The following NDUFS4 variants were observed in gnomAD, a reference collection of about 807,000 sequenced individuals.
The protein encoded by NDUFS4 is NADH:ubiquinone oxidoreductase subunit S4.
NDUFS4 carries 28 observed loss-of-function variants against 24.3 expected under a neutral mutation model. The ratio of observed to expected loss-of-function variants is 1.15; its 90% CI spans 0.85 to 1.58. The LOEUF (loss-of-function observed/expected upper bound fraction) is 1.58. Among genes scored for constraint, NDUFS4 ranks in the 40% most tolerant of loss-of-function variants. The pLI is 0.00. For missense variants in NDUFS4, 223 were observed against 207.9 expected (o/e 1.07, Z -0.45); for synonymous variants, 93 against 69.7 (o/e 1.34, Z -1.67).
At chr5:53,630,158 T>C (rs991452187) in intron 2 of NDUFS4, among the ~76,000 whole-genome samples, 6 of 152,232 alleles carry the variant, frequency 3.9e-5, no homozygotes, top group African/African-American at 1.4e-4. Flanking sequence ...TGGCTGGGTA[T>C]GAAATTCTGG....
At chr5:53,635,821 T>A (rs1751535746) in intron 2 of NDUFS4, among the ~76,000 whole-genome samples, 3 of 152,194 alleles carry the variant, frequency 2.0e-5, no homozygotes, top group African/African-American at 7.2e-5. Context: ...AAAGGTGTTC[T>A]AATAGATTTT....
Position 53,619,444 on chromosome 5 carries a change from G to A in NDUFS4, c.177+15914G>A, listed in dbSNP as rs1456362993. Among the ~76,000 whole-genome samples, 4 of 125,202 alleles carry A rather than the reference G, an allele frequency of 3.2e-5. No homozygotes were observed. The South Asian group carries it at 7.5e-4, about 23-fold the overall frequency. The allele number at this position is 125,202 out of a possible 152,430, so 82.1% of individuals were successfully genotyped here. ...GGAGGTTGCAGTGAGCCAAGATGGC[G>A]CCACTGCACTCCAGCCTGGGTGACA... On this transcript the variant is annotated intron_variant, in intron 2 of 4. Transcript: ENST00000296684.
At position 53,579,673 on chromosome 5, in the gene NDUFS4, G is replaced by A. The variant is rs59431273; in HGVS notation, c.98+18913G>A. On this transcript the variant is annotated intron_variant, in intron 1 of 4. Transcript: ENST00000296684. ...CGAGGCTTCAGTGAGCTATGATTGC[G>A]CCACTGCACCCCAGCCTGGGTGACA... is the stretch of plus-strand genomic sequence containing the variant. Among the ~76,000 whole-genome samples the A allele has an allele frequency of 7.3e-3, 1,110 of 152,250 alleles. 14 individuals carry two copies. Among genetic ancestry groups the A allele is most frequent in the African/African-American group, 0.025 (1,059 of 41,548 alleles).
chr5:53,618,142 C>T (rs920369276), intron 2 of NDUFS4, among the ~76,000 whole-genome samples: 6 of 151,950 alleles, frequency 3.9e-5, no homozygotes, highest in Admixed American at 1.3e-4. Flanking sequence ...GGTAGTGGCG[C>T]GTGCCTGTGG....
chr5:53,560,827 G>C, intron 1 of NDUFS4, 67 bp downstream of exon 1: 1 of 1,608,442 alleles, frequency 6.2e-7, no homozygotes, highest in Non-Finnish European at 8.5e-7. Context: ...GTCTCTGCTG[G>C]CTGAGTTCCG....
chr5:53,644,540 TTAAA>T (rs1214434924), intron 2 of NDUFS4, among the ~76,000 whole-genome samples: 3 of 152,136 alleles, frequency 2.0e-5, no homozygotes, highest in Non-Finnish European at 4.4e-5. Flanking sequence ...CTTTAAGCTC[TTAAA>T]TAGAGAATAT....
chr5:53,668,927 T>G (rs185891386), intron 4 of NDUFS4, among the ~76,000 whole-genome samples: 1 of 152,284 alleles, frequency 6.6e-6, no homozygotes, highest in East Asian at 1.9e-4. Context: ...TCCATTTAAT[T>G]GTTCAAGGCA....
At chr5:53,620,012 G>C (rs1444348006) in intron 2 of NDUFS4, among the ~76,000 whole-genome samples, 1 of 151,906 alleles carries the variant, frequency 6.6e-6, no homozygotes, top group East Asian at 1.9e-4. Flanking sequence ...TAAATTGAAG[G>C]GTTTAGTATC....
At chr5:53,580,501 T>C (rs1423933546) in intron 1 of NDUFS4, among the ~76,000 whole-genome samples, 1 of 152,216 alleles carries the variant, frequency 6.6e-6, no homozygotes, top group Non-Finnish European at 1.5e-5. Context: ...TCATGAAAGA[T>C]GTGATTCTGT....
intron 1 of NDUFS4, among the ~76,000 whole-genome samples, chr5:53,564,262 C>G (rs1236235272): frequency 6.6e-6 from 1 of 152,156 alleles, no homozygotes; most frequent in Non-Finnish European, 1.5e-5. Context: ...GACAAGAATT[C>G]TGTTTGTTAA....
intron 4 of NDUFS4, among the ~76,000 whole-genome samples, chr5:53,679,235 G>A (rs922834971): frequency 3.3e-5 from 5 of 151,398 alleles, no homozygotes; most frequent in African/African-American, 1.2e-4. Flanking sequence ...ACAGAAAAAC[G>A]GGAAGATAAT....
At chr5:53,612,691 A>G (rs988777755) in intron 2 of NDUFS4, among the ~76,000 whole-genome samples, 3 of 152,114 alleles carry the variant, frequency 2.0e-5, no homozygotes, top group African/African-American at 7.2e-5. Context: ...GAGGCTTGCA[A>G]TAAATAAATC....
chr5:53,576,866 A>G (rs962880875), intron 1 of NDUFS4, among the ~76,000 whole-genome samples: 1 of 152,178 alleles, frequency 6.6e-6, no homozygotes, highest in African/African-American at 2.4e-5. Context: ...CACCCATTCA[A>G]CAAATATTTG....
chr5:53,677,823 A>G (rs1029195111), intron 4 of NDUFS4, among the ~76,000 whole-genome samples: 1 of 152,196 alleles, frequency 6.6e-6, no homozygotes, highest in African/African-American at 2.4e-5. Flanking sequence ...TCTGTGTACA[A>G]ATGGAGAGTA....
intron 2 of NDUFS4, among the ~76,000 whole-genome samples, chr5:53,644,082 CAAG>C (rs1561382564): frequency 6.6e-6 from 1 of 152,012 alleles, no homozygotes; most frequent in African/African-American, 2.4e-5. Flanking sequence ...TAGTATAAAT[CAAG>C]AAATACTATT....
At chr5:53,576,317 GAA>G (rs10545956) in intron 1 of NDUFS4, among the ~76,000 whole-genome samples, 30,945 of 152,056 alleles carry the variant, frequency 0.2, 3,645 homozygotes, top group East Asian at 0.46. Flanking sequence ...GCTTAGGCAA[GAA>G]GAGAGAATTG....
At chr5:53,612,504 TA>T (rs1167524246) in intron 2 of NDUFS4, among the ~76,000 whole-genome samples, 1 of 152,152 alleles carries the variant, frequency 6.6e-6, no homozygotes, top group Non-Finnish European at 1.5e-5. Flanking sequence ...GCTATTAATG[TA>T]AAATCCTAAT....
At chr5:53,567,696 C>T (rs1749081716) in intron 1 of NDUFS4, among the ~76,000 whole-genome samples, 1 of 151,930 alleles carries the variant, frequency 6.6e-6, no homozygotes, top group Admixed American at 6.6e-5. Flanking sequence ...TTATATTCTT[C>T]CTTGACTGGT....
chr5:53,632,021 C>G (rs572872907), intron 2 of NDUFS4, among the ~76,000 whole-genome samples: 19 of 152,302 alleles, frequency 1.2e-4, no homozygotes, highest in African/African-American at 3.4e-4. Context: ...TGCTTCGGCT[C>G]GCCCTCCGTG....
Sources: allele counts gnomAD v4.1 joint callset (sites outside exome capture counted in the v4.1 genomes callset), GRCh38; gene constraint gnomAD v4.1.1; transcripts MANE v1.5; gene names NCBI Gene and HGNC (gene_info 2026-07-23, HGNC 2026-07-21).